Variants in CFAP36 observed in about 807,000 individuals in gnomAD.
CFAP36 encodes the protein cilia- and flagella-associated protein 36.
CFAP36 carries 37 observed loss-of-function variants against 50.5 expected under a neutral mutation model. The observed-to-expected ratio is 0.73, with a 90% CI of 0.56 to 0.96. CFAP36 has a LOEUF of 0.96. CFAP36 is among the 50% of genes least tolerant of loss of function. The pLI is 0.00. For synonymous variants in CFAP36, 138 were observed against 128.2 expected, an observed-to-expected ratio of 1.08 and a Z score of -0.52; for missense variants, 407 against 396.2, an observed-to-expected ratio of 1.03 and a Z score of -0.23.
chr2:55,537,734 G>C (rs1684529683), intron 7 of CFAP36, 149 bp downstream of exon 7: 1 of 596,780 alleles, frequency 1.7e-6, no homozygotes. Flanking sequence ...TGTGAATTTG[G>C]TTAAAGAGGT....
At chr2:55,537,380 A>C (rs1684515509) in intron 6 of CFAP36, 103 bp from the exon 7 acceptor site, 1 of 830,082 alleles carries the variant, frequency 1.2e-6, no homozygotes, top group Non-Finnish European at 1.9e-6. Context: ...CAAAAGAAAA[A>C]AAAAAGAAAA....
At chr2:55,543,630 G>GTGTA (rs368185073) in intron 7 of CFAP36, among the ~76,000 whole-genome samples, 42 of 152,248 alleles carry the variant, frequency 2.8e-4, no homozygotes, top group African/African-American at 9.6e-4. Context: ...TTATATTATA[G>GTGTA]TGTAGTTCTA....
At chr2:55,540,828 T>C (rs1684619618) in intron 7 of CFAP36, among the ~76,000 whole-genome samples, 1 of 151,670 alleles carries the variant, frequency 6.6e-6, no homozygotes, top group Admixed American at 6.6e-5. Flanking sequence ...CTGGGCAATT[T>C]GGCGAAACCC....
At chr2:55,536,171 C>T (rs1684481764) in intron 6 of CFAP36, among the ~76,000 whole-genome samples, 1 of 148,138 alleles carries the variant, frequency 6.8e-6, no homozygotes, top group Non-Finnish European at 1.5e-5. Flanking sequence ...CTCATTCTGT[C>T]ACCCAGGCTG....
chr2:55,527,133 T>C (rs1348846347), intron 3 of CFAP36, among the ~76,000 whole-genome samples: 1 of 152,218 alleles, frequency 6.6e-6, no homozygotes, highest in African/African-American at 2.4e-5. Context: ...TTAATATGTA[T>C]GTACCTAATA....
intron 7 of CFAP36, among the ~76,000 whole-genome samples, chr2:55,542,795 G>A (rs895430731): frequency 3.9e-5 from 6 of 152,130 alleles, no homozygotes; most frequent in Non-Finnish European, 8.8e-5. Context: ...CTCTGCTAAC[G>A]TCACTCTCAG....
At chr2:55,527,439 G>A (rs113284487) in intron 3 of CFAP36, among the ~76,000 whole-genome samples, 33 of 152,132 alleles carry the variant, frequency 2.2e-4, no homozygotes, top group South Asian at 8.3e-4. Flanking sequence ...AAAATTAGCC[G>A]GGTGTGGTAG....
intron 2 of CFAP36, among the ~76,000 whole-genome samples, chr2:55,523,108 A>AAAAG (rs1174648648): frequency 6.8e-6 from 1 of 146,780 alleles, no homozygotes; most frequent in Non-Finnish European, 1.5e-5. Flanking sequence ...AAAAAAAAAA[A>AAAAG]AAAGAAAGAA....
In CFAP36 at chr2:55,543,984, A is replaced by G; in HGVS notation, c.687A>G (p.Arg229=). The stretch of plus-strand genomic sequence containing the variant: ...ATCAGTCAATAGAACCTTTGGGAAG[A>G]AAAGTGGAAAGGTCTGAAACTTCCT... The part of the protein sequence containing the change: ...FANQSIEPLG[R]KVERSETSSL... The change falls in exon 8 of 10, where the codon AGA becomes AGG. Residue 229 remains arginine, a synonymous_variant. Coordinates refer to ENST00000349456, the MANE Select transcript of CFAP36 (RefSeq NM_080667.7). 1 of 1,613,992 alleles carries G rather than the reference A, an allele frequency of 6.2e-7. No individual in the cohort carries two copies.
At chr2:55,541,448 T>G (rs951825422) in intron 7 of CFAP36, among the ~76,000 whole-genome samples, 2 of 152,262 alleles carry the variant, frequency 1.3e-5, no homozygotes, top group Admixed American at 1.3e-4. Flanking sequence ...ATTTTATATC[T>G]AAGTATTTCA....
rs1480142017 is a variant in CFAP36 at position 55,519,721 on chromosome 2, T to A, written c.-81T>A. The A allele has an allele frequency of 7.2e-7, 1 of 1,397,892 alleles. No homozygotes were observed. The highest frequency in any genetic ancestry group is 1.0e-6 in the Non-Finnish European group (1 of 990,150). The allele number at this position is 1,397,892 out of a possible 1,614,324, so 86.6% of individuals were successfully genotyped here. The stretch of plus-strand genomic sequence containing the variant: ...GGGCCAGCTCTTCCCCTACTCCCTC[T>A]CGGCTCCTTGTGGCCCAAAGGCCTA... On this transcript the variant is annotated 5_prime_UTR_variant, in exon 1 of 10. Transcript: ENST00000349456.
intron 4 of CFAP36, among the ~76,000 whole-genome samples, chr2:55,530,604 G>A (rs1481671338): frequency 1.3e-5 from 2 of 152,150 alleles, no homozygotes; most frequent in African/African-American, 4.8e-5. Flanking sequence ...TCCTGCTCTT[G>A]TTCCCTTCTT....
chr2:55,539,091 C>T lies in CFAP36; in HGVS notation c.640+1506C>T, dbSNP rs143355223. The T allele has an allele frequency of 4.6e-4, 151 of 329,316 alleles. 2 individuals are homozygous for T. Among genetic ancestry groups the T allele is most frequent in the Admixed American group, 2.0e-3 (40 of 20,060 alleles). 20.4% of individuals were successfully genotyped at this position (329,316 alleles called of 1,614,324 possible). A position where few individuals can be genotyped will look rare whatever the true frequency, so the allele number is the denominator to read the frequency against. The stretch of plus-strand genomic sequence containing the variant: ...CCCCTCAAAAGTAGTACATTTGTTA[C>T]GTTGGTGAACCTTCCTTGACACAAC... On this transcript the variant is annotated intron_variant, in intron 7 of 9. Coordinates refer to ENST00000349456, the MANE Select transcript of CFAP36 (RefSeq NM_080667.7).
chr2:55,524,160 C>T (rs1036679103), intron 3 of CFAP36, among the ~76,000 whole-genome samples: 3 of 152,192 alleles, frequency 2.0e-5, no homozygotes, highest in African/African-American at 7.2e-5. Context: ...GTCAGTAGTT[C>T]CTGCTGCTGC....
chr2:55,522,287 C>G (rs1684089366), intron 2 of CFAP36, 121 bp downstream of exon 2: 1 of 566,298 alleles, frequency 1.8e-6, no homozygotes, highest in Non-Finnish European at 3.1e-6. Context: ...TCCAATCTAC[C>G]TTAACAATAG....
In CFAP36 at chr2:55,544,998, TTAATAAG is replaced by T. The variant is rs1185300629; in HGVS notation, c.1026_*3del. On this transcript the variant is annotated frameshift_variant, in exon 10 of 10. Transcript: ENST00000349456. LOFTEE classifies it high-confidence loss of function. Reference sequence around the variant, plus strand: ...GCAGAGAAACTCAAAGAAGAAGTTATTAATAAGTAATAATTAAGAACAATTTAACAAA... The same window carrying T: ...GCAGAGAAACTCAAAGAAGAAGTTATTAATAATTAAGAACAATTTAACAAA... The T allele has an allele frequency of 1.9e-6, 3 of 1,553,862 alleles. No individual in the cohort carries two copies. The highest frequency in any genetic ancestry group is 1.4e-5 in the African/African-American group (1 of 72,810).
intron 7 of CFAP36, chr2:55,539,160 C>A: frequency 5.5e-6 from 1 of 182,254 alleles, no homozygotes; most frequent in Non-Finnish European, 1.1e-5. Flanking sequence ...TTCACTCTTG[C>A]TATTGTATAT....
intron 7 of CFAP36, among the ~76,000 whole-genome samples, chr2:55,540,685 C>A (rs1684615431): frequency 6.6e-6 from 1 of 152,140 alleles, no homozygotes; most frequent in Admixed American, 6.6e-5. Flanking sequence ...TTGGGAAGAA[C>A]TGACATCTTG....
In CFAP36 at chr2:55,523,708, T is replaced by G; in HGVS notation, c.181-13T>G. 1.3e-6 allele frequency: 2 copies of G among 1,539,532 alleles called. No individual in the cohort carries two copies. Among genetic ancestry groups the G allele is most frequent in the Non-Finnish European group, 1.8e-6 (2 of 1,124,018 alleles). ...TTCTATGTAATTATAAAAGTTAAACTTTGTTTTTTTAGGTTGAAAAGCTGT... is the reference window on the plus strand; with the variant it reads ...TTCTATGTAATTATAAAAGTTAAACGTTGTTTTTTTAGGTTGAAAAGCTGT... On this transcript the variant is annotated splice_polypyrimidine_tract_variant and intron_variant, in intron 2 of 9. Transcript: ENST00000349456.
Sources: gnomAD v4.1 joint callset for allele counts (sites outside exome capture counted in the v4.1 genomes callset) on GRCh38, gnomAD v4.1.1 for gene constraint, MANE v1.5 for transcripts, NCBI Gene and HGNC (gene_info 2026-07-23, HGNC 2026-07-21) for gene names.